Variants in CC2D2A observed in about 807,000 individuals in gnomAD.
CC2D2A encodes the protein coiled-coil and C2 domain-containing protein 2A.
CC2D2A carries 155 observed loss-of-function variants against 212.9 expected under a neutral mutation model. That is an observed-to-expected ratio of 0.73 (90% CI 0.64 to 0.83). The LOEUF (loss-of-function observed/expected upper bound fraction) is 0.83, where lower values mean the gene tolerates loss of function less well. Among genes scored for constraint, CC2D2A ranks in the 40% least tolerant of loss-of-function variants. The pLI is 0.00. For missense variants in CC2D2A, 1,856 were observed against 1,956.2 expected (o/e 0.95, Z 0.97); for synonymous variants, 667 against 686.5 (o/e 0.97, Z 0.44).
In CC2D2A at chr4:15,592,676, A is replaced by G. The variant is rs76961444; in HGVS notation, c.4314+2997A>G. On this transcript the variant is annotated intron_variant, in intron 33 of 36. Coordinates refer to ENST00000424120, the MANE Select transcript of CC2D2A (RefSeq NM_001378615.1). ...AAAAATAGAAGTTCCTCAAGATTCT[A>G]TATTTAGATTCTTCTAGGACCACAC... 1.9e-3 allele frequency among the ~76,000 whole-genome samples: 291 copies of G among 152,294 alleles called. 1 individual carries two copies. Among genetic ancestry groups the G allele is most frequent in the African/African-American group, 6.5e-3 (269 of 41,570 alleles).
chr4:15,574,426 C>G, intron 29 of CC2D2A, 100 bp downstream of exon 29: 1 of 835,586 alleles, frequency 1.2e-6, no homozygotes, highest in Admixed American at 3.3e-5. Flanking sequence ...ACAAACAGAG[C>G]CTTCCTTACT....
intron 30 of CC2D2A, 39 bp from the exon 31 acceptor site, chr4:15,586,118 T>C (rs749438048): frequency 2.1e-6 from 3 of 1,409,434 alleles, no homozygotes; most frequent in Non-Finnish European, 3.0e-6. Context: ...TTCTGTTTTA[T>C]TATAAATTAT....
rs199958992 is a variant in CC2D2A, at chr4:15,470,689, CTATATATATATATA to C, written c.-19+664_-19+677del. ...TCTCTCTCTCTCTCTCTCTCTCTCT[CTATATATATATATA>C]TATATATATATATATATATATATAT... On this transcript the variant is annotated intron_variant, in intron 1 of 36. Transcript: ENST00000424120. Among the ~76,000 whole-genome samples, 492 of 50,486 alleles carry C rather than the reference CTATATATATATATA, an allele frequency of 9.7e-3. 2 individuals carry two copies. The highest frequency in any genetic ancestry group is 0.027 in the African/African-American group (292 of 10,800). 33.1% of individuals were successfully genotyped at this position (50,486 alleles called of 152,430 possible). A position where few individuals can be genotyped will look rare whatever the true frequency, so the allele number is the denominator to read the frequency against.
chr4:15,561,885 G>C (rs148502613), intron 23 of CC2D2A, among the ~76,000 whole-genome samples: 207 of 152,298 alleles, frequency 1.4e-3, no homozygotes, highest in Non-Finnish European at 2.2e-3. Context: ...AGTGACCTGA[G>C]TTTGAACCCC....
At chr4:15,503,066 G>A (rs1297414230) in intron 6 of CC2D2A, 143 bp downstream of exon 6, 15 of 549,986 alleles carry the variant, frequency 2.7e-5, no homozygotes, top group Non-Finnish European at 4.6e-5. Flanking sequence ...GGAGACTGAG[G>A]TGGGAGGATC....
chr4:15,583,960 A>G (rs550498064), intron 30 of CC2D2A, among the ~76,000 whole-genome samples: 65 of 149,764 alleles, frequency 4.3e-4, no homozygotes, highest in Middle Eastern at 3.4e-3. Flanking sequence ...CAAAAAAAAA[A>G]AAAAGAAAAG....
chr4:15,517,462 A>G (rs1035557174), intron 11 of CC2D2A, among the ~76,000 whole-genome samples: 2 of 151,860 alleles, frequency 1.3e-5, no homozygotes, highest in African/African-American at 4.8e-5. Context: ...TTTATATTGT[A>G]TTTTCCTAAG....
intron 24 of CC2D2A, among the ~76,000 whole-genome samples, chr4:15,566,889 C>T (rs780202933): frequency 6.6e-5 from 10 of 152,188 alleles, no homozygotes; most frequent in South Asian, 4.2e-4. Context: ...GTGGGAGGAT[C>T]GCTTGAGCCT....
intron 8 of CC2D2A, among the ~76,000 whole-genome samples, chr4:15,512,683 G>T (rs577153966): frequency 6.6e-6 from 1 of 152,276 alleles, no homozygotes; most frequent in East Asian, 1.9e-4. Context: ...AAATGGGCCG[G>T]GTGCGGTGGC....
At chr4:15,560,971 G>T (rs956506775) in intron 23 of CC2D2A, among the ~76,000 whole-genome samples, 1 of 152,148 alleles carries the variant, frequency 6.6e-6, no homozygotes, top group Non-Finnish European at 1.5e-5. Flanking sequence ...GTCTCCCAGT[G>T]CCAGACATTC....
chr4:15,528,173 C>T (rs1192726979), intron 12 of CC2D2A, among the ~76,000 whole-genome samples: 1 of 152,170 alleles, frequency 6.6e-6, no homozygotes, highest in Non-Finnish European at 1.5e-5. Flanking sequence ...TGGTCTCACG[C>T]CCTGACTTTA....
At chr4:15,500,855 C>T (rs1462178116) in intron 4 of CC2D2A, among the ~76,000 whole-genome samples, 2 of 152,130 alleles carry the variant, frequency 1.3e-5, no homozygotes, top group East Asian at 3.9e-4. Flanking sequence ...ATCCTTCTCT[C>T]CTCAGGAAAC....
At chr4:15,495,160 G>A (rs1418019173) in intron 4 of CC2D2A, among the ~76,000 whole-genome samples, 1 of 152,004 alleles carries the variant, frequency 6.6e-6, no homozygotes, top group Non-Finnish European at 1.5e-5. Context: ...CCAGGCTGGA[G>A]TGCAGTAGCA....
intron 14 of CC2D2A, among the ~76,000 whole-genome samples, chr4:15,535,595 G>C (rs1718084577): frequency 6.6e-6 from 1 of 151,818 alleles, no homozygotes; most frequent in South Asian, 2.1e-4. Context: ...ATGGTTTTCT[G>C]TATATCAGAG....
Position 15,560,591 on chromosome 4 carries a change from A to G in CC2D2A, c.2983A>G (p.Met995Val), listed in dbSNP as rs768101335. The G allele has an allele frequency of 6.7e-7, 1 of 1,498,320 alleles. No individual in the cohort carries two copies. Among genetic ancestry groups the G allele is most frequent in the East Asian group, 2.3e-5 (1 of 43,314 alleles). The allele number at this position is 1,498,320 out of a possible 1,614,324, so 92.8% of individuals were successfully genotyped here. The change falls in exon 23 of 37, where the codon ATG (methionine) becomes GTG (valine). Residue 995 changes from methionine (M) to valine (V), a missense_variant. By Grantham distance (21) the Met-to-Val change is conservative. This residue lies in a region of CC2D2A where 1,512 missense variants were observed against 1,579.3 expected (regional missense o/e 0.96). Transcript: ENST00000424120. ...AAAACAATATTTTCTTCTTGCTGAT[A>G]TGATAGTAGAAGAAGAAGTTCCCAA... is the stretch of plus-strand genomic sequence containing the variant. ...IAKQYFLLAD[M>V]IVEEEVPNIS...
intron 33 of CC2D2A, among the ~76,000 whole-genome samples, chr4:15,593,490 A>C (rs1419555635): frequency 1.3e-5 from 2 of 152,186 alleles, no homozygotes; most frequent in Admixed American, 6.5e-5. Flanking sequence ...TCCCAAGTTT[A>C]TATCTCCAGC....
chr4:15,591,673 GTTAA>G (rs938835596), intron 33 of CC2D2A, among the ~76,000 whole-genome samples: 5 of 152,144 alleles, frequency 3.3e-5, no homozygotes, highest in East Asian at 3.8e-4. Context: ...CCATTCTCAT[GTTAA>G]TTATTATTTT....
At position 15,563,868 on chromosome 4, in the gene CC2D2A, C is replaced by G. The variant is rs1210102199; in HGVS notation, c.3182+346C>G. ...TTTTCTCCATGTGATGGAAGTGGCC[C>G]ATGCAGCTAGAGTACCACCAATTAA... On this transcript the variant is annotated intron_variant, in intron 24 of 36. Coordinates refer to ENST00000424120, the MANE Select transcript of CC2D2A (RefSeq NM_001378615.1). The G allele has an allele frequency of 1.8e-5, 4 of 226,124 alleles. No individual in the cohort carries two copies. In the East Asian group the frequency reaches 4.1e-4, roughly 23 times the overall value. 14.0% of individuals were successfully genotyped at this position (226,124 alleles called of 1,614,324 possible). A position where few individuals can be genotyped will look rare whatever the true frequency, so the allele number is the denominator to read the frequency against.
At position 15,557,363 on chromosome 4, in the gene CC2D2A, G is replaced by A; in HGVS notation, c.2685G>A (p.Gln895=). The A allele has an allele frequency of 6.2e-7, 1 of 1,613,654 alleles. No individual in the cohort carries two copies. Among genetic ancestry groups the A allele is most frequent in the Non-Finnish European group, 8.5e-7 (1 of 1,179,712 alleles). The part of the protein sequence containing the change: ...PDFFRLEQLQ[Q]EFNFVSDQEL... ...TCTTTAGACTGGAGCAGCTGCAACAGGAGTTTAACTTTGTTTCAGATCAAG... is the reference window on the plus strand; with the variant it reads ...TCTTTAGACTGGAGCAGCTGCAACAAGAGTTTAACTTTGTTTCAGATCAAG... Residue 895 remains glutamine (Q), a synonymous_variant, in exon 21 of 37, where the codon CAG becomes CAA. Transcript: ENST00000424120.
Sources: allele counts gnomAD v4.1 joint callset (sites outside exome capture counted in the v4.1 genomes callset), GRCh38; gene constraint gnomAD v4.1.1; regional missense constraint gnomAD v4.1.1; transcripts MANE v1.5; gene names NCBI Gene and HGNC (gene_info 2026-07-23, HGNC 2026-07-21).